The following PLCB4 variants were observed in gnomAD, a reference collection of about 807,000 sequenced individuals.
PLCB4 encodes phospholipase C beta 4.
A neutral mutation model predicts 178.8 loss-of-function variants in PLCB4; 77 were observed. The observed-to-expected ratio is 0.43, with a 90% CI of 0.36 to 0.52. The LOEUF is 0.52. Among genes scored for constraint, PLCB4 ranks in the 20% least tolerant of loss-of-function variants. The pLI, the probability that PLCB4 is intolerant of heterozygous loss-of-function variation, is 0.00. For missense variants in PLCB4, 1,024 were observed against 1,453.4 expected (o/e 0.70, Z 4.80); for synonymous variants, 496 against 490.8 (o/e 1.01, Z -0.14).
At chr20:9,378,561 G>C (rs2036871800) in intron 12 of PLCB4, among the ~76,000 whole-genome samples, 1 of 152,046 alleles carries the variant, frequency 6.6e-6, no homozygotes, top group South Asian at 2.1e-4. Flanking sequence ...TCACTTGCCT[G>C]GCATTCCATG....
At chr20:9,136,709 A>G (rs1223028878) in intron 2 of PLCB4, among the ~76,000 whole-genome samples, 1 of 152,130 alleles carries the variant, frequency 6.6e-6, no homozygotes, top group African/African-American at 2.4e-5. Flanking sequence ...GTCGATTCCA[A>G]TATGACAAAC....
intron 20 of PLCB4, among the ~76,000 whole-genome samples, chr20:9,404,969 C>T (rs932627658): frequency 1.3e-5 from 2 of 152,158 alleles, no homozygotes; most frequent in African/African-American, 4.8e-5. Context: ...GCAAACAGTC[C>T]ATAACAAATA....
At chr20:9,182,918 C>T (rs2147098353) in intron 2 of PLCB4, among the ~76,000 whole-genome samples, 1 of 152,244 alleles carries the variant, frequency 6.6e-6, no homozygotes, top group Middle Eastern at 3.4e-3. Flanking sequence ...TCATTTTCAT[C>T]ATATTTACAA....
At chr20:9,408,991 G>A in intron 23 of PLCB4, 66 bp from the exon 24 acceptor site, 2 of 1,462,504 alleles carry the variant, frequency 1.4e-6, no homozygotes, top group Non-Finnish European at 1.9e-6. Flanking sequence ...TGTTGTTTTA[G>A]CTCTTTGTTG....
chr20:9,264,486 T>A (rs2094329542), intron 3 of PLCB4, among the ~76,000 whole-genome samples: 1 of 152,186 alleles, frequency 6.6e-6, no homozygotes, highest in African/African-American at 2.4e-5. Flanking sequence ...CCTCTCTCAA[T>A]GGGGCCCTTC....
At chr20:9,153,588 C>T (rs1477201531) in intron 2 of PLCB4, among the ~76,000 whole-genome samples, 2 of 152,080 alleles carry the variant, frequency 1.3e-5, no homozygotes, top group East Asian at 1.9e-4. Flanking sequence ...TTTTTTTCTT[C>T]CCGGTCTCGG....
chr20:9,319,752 A>T (rs1035602623), intron 4 of PLCB4, among the ~76,000 whole-genome samples: 2 of 152,150 alleles, frequency 1.3e-5, no homozygotes, highest in South Asian at 4.1e-4. Flanking sequence ...TATTCGGCAG[A>T]TCTTCTTTAT....
At chr20:9,071,684 T>G (rs2089581826) in intron 1 of PLCB4, among the ~76,000 whole-genome samples, 1 of 152,226 alleles carries the variant, frequency 6.6e-6, no homozygotes, top group Admixed American at 6.5e-5. Flanking sequence ...TTTTGAAATC[T>G]TGAGAGTAAA....
At chr20:9,470,026 A>G (rs1418813879) in intron 36 of PLCB4, among the ~76,000 whole-genome samples, 1 of 152,140 alleles carries the variant, frequency 6.6e-6, no homozygotes. Flanking sequence ...CCAAAGTCCA[A>G]CAGAGAAAAG....
intron 4 of PLCB4, among the ~76,000 whole-genome samples, chr20:9,317,839 C>T (rs1310947401): frequency 6.6e-6 from 1 of 152,224 alleles, no homozygotes; most frequent in African/African-American, 2.4e-5. Context: ...TGGCTCACGC[C>T]TGTAATCCCA....
At chr20:9,265,102 T>C (rs1448779320) in intron 3 of PLCB4, among the ~76,000 whole-genome samples, 3 of 152,108 alleles carry the variant, frequency 2.0e-5, no homozygotes, top group African/African-American at 7.2e-5. Flanking sequence ...AGATTATTTC[T>C]AAAAAGAGAA....
At chr20:9,108,522 TGG>T (rs2091452060) in intron 2 of PLCB4, among the ~76,000 whole-genome samples, 1 of 152,022 alleles carries the variant, frequency 6.6e-6, no homozygotes, top group African/African-American at 2.4e-5. Flanking sequence ...GTGCAAAAGT[TGG>T]ATCAGCACAA....
intron 28 of PLCB4, among the ~76,000 whole-genome samples, chr20:9,429,637 C>A (rs1054832834): frequency 1.3e-5 from 2 of 152,216 alleles, no homozygotes; most frequent in Admixed American, 1.3e-4. Context: ...GCTTTTCATT[C>A]TCTGATTACA....
At chr20:9,273,299 C>T (rs7263810) in intron 3 of PLCB4, among the ~76,000 whole-genome samples, 4 of 152,048 alleles carry the variant, frequency 2.6e-5, no homozygotes, top group Admixed American at 6.6e-5. Context: ...TCAATATTAA[C>T]GCCTTTAATT....
intron 2 of PLCB4, among the ~76,000 whole-genome samples, chr20:9,208,794 G>A (rs1453876056): frequency 2.6e-5 from 4 of 152,124 alleles, no homozygotes; most frequent in Non-Finnish European, 4.4e-5. Context: ...TCCCATCTTG[G>A]CATTCCAAAG....
chr20:9,095,647 CTG>C (rs1349303429), intron 1 of PLCB4, among the ~76,000 whole-genome samples: 3 of 152,094 alleles, frequency 2.0e-5, no homozygotes, highest in African/African-American at 7.2e-5. Context: ...TAGTAGGTTT[CTG>C]TGTCAATTGT....
intron 19 of PLCB4, among the ~76,000 whole-genome samples, chr20:9,397,389 C>A (rs1050921638): frequency 6.6e-6 from 1 of 152,170 alleles, no homozygotes; most frequent in African/African-American, 2.4e-5. Context: ...TCAGCGTCAT[C>A]CATGGGAGTC....
At chr20:9,077,063 AT>A (rs2089904078) in intron 1 of PLCB4, among the ~76,000 whole-genome samples, 1 of 152,082 alleles carries the variant, frequency 6.6e-6, no homozygotes, top group Admixed American at 6.6e-5. Context: ...ACTGGATCAT[AT>A]TGTATACATT....
chr20:9,272,038 G>A (rs370565924), intron 3 of PLCB4, among the ~76,000 whole-genome samples: 5 of 151,706 alleles, frequency 3.3e-5, no homozygotes, highest in South Asian at 2.1e-4. Context: ...TTGGCTGGGC[G>A]TGGTGGCATG....
Sources: allele counts gnomAD v4.1 joint callset (sites outside exome capture counted in the v4.1 genomes callset), GRCh38; gene constraint gnomAD v4.1.1; transcripts MANE v1.5; gene names NCBI Gene and HGNC (gene_info 2026-07-23, HGNC 2026-07-21).